ARMC8: variants seen among roughly 807,000 people sequenced by gnomAD.
ARMC8 encodes the protein armadillo repeat containing 8, also known as armadillo repeat-containing protein 8.
Under a neutral mutation model 99.3 loss-of-function variants are expected in ARMC8, and 20 were observed. That is an observed-to-expected ratio of 0.20 (90% CI 0.14 to 0.29). The LOEUF (loss-of-function observed/expected upper bound fraction) is 0.29, where lower values mean the gene tolerates loss of function less well. ARMC8 is among the 10% of genes least tolerant of loss of function. ARMC8 has a pLI of 1.00. For synonymous variants in ARMC8, 263 were observed against 278.3 expected (o/e 0.95, Z 0.55); for missense variants, 569 against 809.5 (o/e 0.70, Z 3.60).
At chr3:138,191,717 G>A (rs1358840709) in intron 1 of ARMC8, among the ~76,000 whole-genome samples, 1 of 152,032 alleles carries the variant, frequency 6.6e-6, no homozygotes, top group African/African-American at 2.4e-5. Context: ...TCTCTATAAT[G>A]TTGTCATTTT....
chr3:138,188,286 G>GC, intron 1 of ARMC8: 1 of 874,110 alleles, frequency 1.1e-6, no homozygotes, highest in South Asian at 2.0e-5. Context: ...TCTTTAAGGG[G>GC]AGTCAAACAT....
At chr3:138,252,042 G>T (rs536470099) in intron 12 of ARMC8, among the ~76,000 whole-genome samples, 1 of 152,300 alleles carries the variant, frequency 6.6e-6, no homozygotes, top group African/African-American at 2.4e-5. Flanking sequence ...AACTTGAAAA[G>T]ATTAGGATTG....
intron 2 of ARMC8, among the ~76,000 whole-genome samples, chr3:138,215,865 T>C (rs951108247): frequency 2.0e-5 from 3 of 151,402 alleles, no homozygotes; most frequent in Admixed American, 1.3e-4. Context: ...TTTATTTATT[T>C]ATTGTTTTTT....
chr3:138,215,007 G>A (rs1195380523), intron 2 of ARMC8, among the ~76,000 whole-genome samples: 1 of 152,182 alleles, frequency 6.6e-6, no homozygotes, highest in East Asian at 1.9e-4. Flanking sequence ...AATACCAAAT[G>A]TGATAGAGTG....
chr3:138,228,706 T>A, intron 5 of ARMC8: 1 of 537,194 alleles, frequency 1.9e-6, no homozygotes, highest in South Asian at 1.5e-5. Context: ...CATATTTTGC[T>A]ACCAGGGATG....
intron 12 of ARMC8, chr3:138,246,550 G>T: frequency 3.0e-6 from 3 of 985,604 alleles, no homozygotes; most frequent in Non-Finnish European, 3.6e-6. Context: ...TTTGGTTTAG[G>T]ATGGTTATTA....
At chr3:138,261,222 T>C (rs964536447) in intron 12 of ARMC8, among the ~76,000 whole-genome samples, 1 of 152,172 alleles carries the variant, frequency 6.6e-6, no homozygotes, top group African/African-American at 2.4e-5. Flanking sequence ...TTTAATGGAA[T>C]GCGAAAGGAA....
chr3:138,252,424 G>C (rs911088726), intron 12 of ARMC8, among the ~76,000 whole-genome samples: 1 of 150,404 alleles, frequency 6.6e-6, no homozygotes, highest in African/African-American at 2.4e-5. Flanking sequence ...CCCACCCTGT[G>C]CTAATACTGC....
At chr3:138,249,347 T>G (rs780531487) in intron 12 of ARMC8, among the ~76,000 whole-genome samples, 1 of 151,936 alleles carries the variant, frequency 6.6e-6, no homozygotes, top group Non-Finnish European at 1.5e-5. Flanking sequence ...AATTCCCATT[T>G]TTTCAAGAGG....
intron 1 of ARMC8, 151 bp from the exon 2 acceptor site, chr3:138,209,666 A>G (rs1324037698): frequency 3.2e-6 from 2 of 630,780 alleles, no homozygotes; most frequent in Non-Finnish European, 2.8e-6. Context: ...TAAGTATCCC[A>G]TATCATGAGG....
chr3:138,193,813 C>A (rs1206496992), intron 1 of ARMC8, among the ~76,000 whole-genome samples: 1 of 152,108 alleles, frequency 6.6e-6, no homozygotes. Context: ...GACATAACAC[C>A]AAATGCATTA....
At chr3:138,222,130 ATG>A in intron 3 of ARMC8, 133 bp downstream of exon 3, 1 of 661,618 alleles carries the variant, frequency 1.5e-6, no homozygotes, top group Non-Finnish European at 2.5e-6. Flanking sequence ...TTAAAAATAA[ATG>A]TAAGTATTTA....
rs755082103 is a variant in ARMC8 at position 138,284,529 on chromosome 3, G to A, written c.1821+3G>A. 2.5e-6 allele frequency: 4 copies of A among 1,599,388 alleles called. No homozygotes were observed. Among genetic ancestry groups the A allele is most frequent in the Admixed American group, 1.7e-5 (1 of 59,970 alleles). On this transcript the variant is annotated splice_donor_region_variant and intron_variant, in intron 19 of 21. Coordinates refer to ENST00000469044, the MANE Select transcript of ARMC8 (RefSeq NM_001363941.2). ...TACAGAAAATCAAGTATTACATGGT[G>A]AGCCCTTGTCCCCTTTCACCGTAGG...
rs760945127 is a variant in ARMC8 at position 138,223,549 on chromosome 3, T to G, written c.337+18T>G. ...ATTGCAAGGTATGTAGGGAAGCCAT[T>G]TTTGCTCAATTAAGGTTAAGAATCA... On this transcript the variant is annotated intron_variant, in intron 4 of 21. Transcript: ENST00000469044. 5.6e-6 allele frequency: 9 copies of G among 1,613,984 alleles called. No homozygotes were observed. The East Asian group carries it at 1.8e-4, about 32-fold the overall frequency.
chr3:138,294,648 G>A (rs1201202596), intron 21 of ARMC8, among the ~76,000 whole-genome samples: 1 of 152,144 alleles, frequency 6.6e-6, no homozygotes, highest in Non-Finnish European at 1.5e-5. Flanking sequence ...GTATTAGTTT[G>A]ATCAGCTATT....
intron 16 of ARMC8, 46 bp downstream of exon 16, chr3:138,270,178 G>A (rs746980277): frequency 4.5e-6 from 6 of 1,336,872 alleles, no homozygotes; most frequent in Non-Finnish European, 6.4e-6. Context: ...AAGGAATACA[G>A]CTATTGTCTA....
intron 1 of ARMC8, among the ~76,000 whole-genome samples, chr3:138,203,656 A>G (rs1237240165): frequency 2.6e-5 from 4 of 152,166 alleles, no homozygotes; most frequent in Non-Finnish European, 5.9e-5. Flanking sequence ...TACTTACTTG[A>G]TCCAGTCCTC....
chr3:138,187,940 T>C, intron 1 of ARMC8: 1 of 359,512 alleles, frequency 2.8e-6, no homozygotes, highest in Non-Finnish European at 5.1e-6. Context: ...CGATGCCGCT[T>C]CCCGGGGGCC....
intron 1 of ARMC8, among the ~76,000 whole-genome samples, chr3:138,201,538 A>G (rs2044079756): frequency 7.7e-6 from 1 of 129,354 alleles, no homozygotes; most frequent in South Asian, 2.5e-4. Flanking sequence ...CTTGGCTCAC[A>G]GCAACCTCCA....
Sources: gnomAD v4.1 joint callset for allele counts (sites outside exome capture counted in the v4.1 genomes callset) on GRCh38, gnomAD v4.1.1 for gene constraint, MANE v1.5 for transcripts, NCBI Gene and HGNC (gene_info 2026-07-23, HGNC 2026-07-21) for gene names.